Variants in FARP1 observed in about 807,000 individuals in gnomAD.
FARP1 encodes FERM, ARH/RhoGEF and pleckstrin domain protein 1, also known as FERM, ARHGEF and pleckstrin domain-containing protein 1.
In FARP1, 52 loss-of-function variants were observed where a neutral mutation model predicts 128.8. That is an observed-to-expected ratio of 0.40 (90% CI 0.32 to 0.51). FARP1 has a LOEUF of 0.51. Ranked by LOEUF, FARP1 falls within the 20% of genes least tolerant of loss-of-function variation. The pLI, the probability that FARP1 is intolerant of heterozygous loss-of-function variation, is 0.45. For missense variants in FARP1, 1,333 were observed against 1,367.9 expected (o/e 0.97, Z 0.40); for synonymous variants, 580 against 551.8 (o/e 1.05, Z -0.72).
rs1491257662 is a variant in FARP1, at chr13:98,153,303, T to TATTTATATATAAAATATATAAATATATA, written c.-24+9811_-24+9812insATTTATATATAAAATATATAAATATATA. On this transcript the variant is annotated intron_variant, in intron 1 of 26. Coordinates refer to ENST00000319562, the MANE Select transcript of FARP1 (RefSeq NM_005766.4). ...TATATATAAAATATATATAAATATATTTATATATAAAATATATAAATAATA... is the reference window on the plus strand; with the variant it reads ...TATATATAAAATATATATAAATATATATTTATATATAAAATATATAAATATATATTATATATAAAATATATAAATAATA... Among the ~76,000 whole-genome samples the TATTTATATATAAAATATATAAATATATA allele has an allele frequency of 3.7e-3, 204 of 55,394 alleles. 5 individuals carry two copies. The South Asian group carries it at 0.11, about 30-fold the overall frequency. 36.3% of individuals were successfully genotyped at this position (55,394 alleles called of 152,430 possible).
At chr13:98,170,317 A>AG (rs1372525154) in intron 1 of FARP1, among the ~76,000 whole-genome samples, 1 of 143,260 alleles carries the variant, frequency 7.0e-6, no homozygotes, top group Non-Finnish European at 1.5e-5. Context: ...CCAAGCAGCT[A>AG]GGATTACAGG....
intron 18 of FARP1, 127 bp downstream of exon 18, chr13:98,431,407 TC>T: frequency 1.7e-6 from 1 of 604,440 alleles, no homozygotes; most frequent in Non-Finnish European, 2.9e-6. Context: ...TCCCAGGTTT[TC>T]ATCAGGGTGG....
intron 2 of FARP1, among the ~76,000 whole-genome samples, chr13:98,324,090 TAA>T (rs1887124523): frequency 6.6e-6 from 1 of 152,222 alleles, no homozygotes; most frequent in Admixed American, 6.5e-5. Flanking sequence ...AAAGTTTCAT[TAA>T]AGAGTTAAGA....
At chr13:98,390,609 A>G in intron 10 of FARP1, 3 of 535,582 alleles carry the variant, frequency 5.6e-6, no homozygotes, top group East Asian at 3.0e-5. Flanking sequence ...TTTTTTCTGT[A>G]TATTCAAGGA....
At chr13:98,188,639 T>C (rs1879035765) in intron 1 of FARP1, among the ~76,000 whole-genome samples, 4 of 152,152 alleles carry the variant, frequency 2.6e-5, no homozygotes, top group African/African-American at 9.7e-5. Flanking sequence ...AGCGGTGCCC[T>C]TGTGCCTTGA....
At chr13:98,384,488 T>G in intron 6 of FARP1, 1 of 541,254 alleles carries the variant, frequency 1.8e-6, no homozygotes. Flanking sequence ...CTACTGTGCC[T>G]GACCTTGAAG....
At chr13:98,332,712 A>T (rs569379504) in intron 2 of FARP1, 2 of 152,338 alleles carry the variant, frequency 1.3e-5, no homozygotes, top group East Asian at 1.9e-4. Context: ...AAAAAATGTT[A>T]AAAAAGTAGT....
chr13:98,278,587 C>T (rs544622522), intron 2 of FARP1, among the ~76,000 whole-genome samples: 13 of 152,168 alleles, frequency 8.5e-5, no homozygotes, highest in Non-Finnish European at 1.3e-4. Flanking sequence ...TTTTCTGGTT[C>T]GGAGTGTATA....
At chr13:98,334,946 T>C (rs1887679877) in intron 2 of FARP1, among the ~76,000 whole-genome samples, 1 of 152,172 alleles carries the variant, frequency 6.6e-6, no homozygotes, top group Non-Finnish European at 1.5e-5. Context: ...GTGCGTAGTG[T>C]TTGGTTATGT....
Position 98,176,741 on chromosome 13 carries a change from T to TGCC in FARP1, c.-24+33250_-24+33252dup. 6.2e-7 allele frequency: 1 copy of TGCC among 1,614,078 alleles called. No individual in the cohort carries two copies. The highest frequency in any genetic ancestry group is 8.5e-7 in the Non-Finnish European group (1 of 1,179,984). ...TTCCTCGCCATCCCCGAGGAGGAGT[T>TGCC]GCCCATGGACGTGTCCTTGGGCTTC... is the stretch of plus-strand genomic sequence containing the variant. On this transcript the variant is annotated intron_variant, in intron 1 of 26. Coordinates refer to ENST00000319562, the MANE Select transcript of FARP1 (RefSeq NM_005766.4). This position sits in a 1 kb window ranked among gnomAD's most constrained non-coding sequence, Gnocchi z 6.2.
At chr13:98,332,323 T>C (rs1887545279) in intron 2 of FARP1, 1 of 152,164 alleles carries the variant, frequency 6.6e-6, no homozygotes, top group African/African-American at 2.4e-5. Context: ...ATATACCTGT[T>C]TGTAAAGTTC....
intron 2 of FARP1, among the ~76,000 whole-genome samples, chr13:98,325,735 G>A (rs1217746575): frequency 2.0e-5 from 3 of 152,226 alleles, no homozygotes; most frequent in Admixed American, 6.5e-5. Flanking sequence ...TTTGTAGCTT[G>A]TCCAGTTTGA....
rs550394133 is a variant in FARP1 at position 98,197,728 on chromosome 13, G to A, written c.-23-15492G>A. Among the ~76,000 whole-genome samples the A allele has an allele frequency of 8.0e-3, 1,214 of 151,588 alleles. 11 individuals carry two copies. The highest frequency in any genetic ancestry group is 0.014 in the Non-Finnish European group (931 of 67,924). On this transcript the variant is annotated intron_variant, in intron 1 of 26. Coordinates refer to ENST00000319562, the MANE Select transcript of FARP1 (RefSeq NM_005766.4). The stretch of plus-strand genomic sequence containing the variant: ...AGGCTCACTGCAAGCTCCGCCTCCC[G>A]GGTTCACGCCATTCTTCTGCCTCAG...
At chr13:98,211,721 C>G (rs1880722288) in intron 1 of FARP1, among the ~76,000 whole-genome samples, 1 of 152,226 alleles carries the variant, frequency 6.6e-6, no homozygotes, top group South Asian at 2.1e-4. Context: ...TTCTCACCTT[C>G]TCCATGATGG....
rs766598994 is a variant in FARP1, at chr13:98,384,813, G to A, written c.580G>A (p.Asp194Asn). Reference protein sequence around the residue: ...KYIPQQDALEDKIVEFHHNHI... With the variant: ...KYIPQQDALENKIVEFHHNHI... ...CATACCTCAGCAAGACGCACTAGAG[G>A]ACAAAATCGTGGAATTTCACCATAA... Residue 194 changes from aspartate (D) to asparagine (N), a missense_variant, in exon 7 of 27, where the codon GAC (aspartate) becomes AAC (asparagine). Coordinates refer to ENST00000319562, the MANE Select transcript of FARP1 (RefSeq NM_005766.4). 6.2e-7 allele frequency: 1 copy of A among 1,613,066 alleles called. No homozygotes were observed. Among genetic ancestry groups the A allele is most frequent in the African/African-American group, 1.3e-5 (1 of 75,004 alleles).
At chr13:98,408,235 G>A (rs1040495508) in intron 13 of FARP1, among the ~76,000 whole-genome samples, 2 of 151,702 alleles carry the variant, frequency 1.3e-5, no homozygotes, top group African/African-American at 4.8e-5. Flanking sequence ...TCATTGGGTT[G>A]AGATACAGAT....
At chr13:98,183,498 G>A (rs1047149747) in intron 1 of FARP1, among the ~76,000 whole-genome samples, 2 of 152,148 alleles carry the variant, frequency 1.3e-5, no homozygotes, top group Non-Finnish European at 2.9e-5. Context: ...CTGGGCATGG[G>A]ACCTCTGCAT....
intron 1 of FARP1, among the ~76,000 whole-genome samples, chr13:98,184,414 CTTTTAATGTGTCA>C (rs959914177): frequency 2.0e-5 from 3 of 152,114 alleles, no homozygotes; most frequent in South Asian, 2.1e-4. Flanking sequence ...GCCCGGCTGC[CTTTTAATGTGTCA>C]TTTTAATGTG....
intron 2 of FARP1, among the ~76,000 whole-genome samples, chr13:98,319,904 T>A (rs920122757): frequency 1.3e-5 from 2 of 152,124 alleles, no homozygotes; most frequent in Non-Finnish European, 2.9e-5. Context: ...TAAAAGTGTG[T>A]TTCTGAATTA....
Sources: allele counts gnomAD v4.1 joint callset (sites outside exome capture counted in the v4.1 genomes callset), GRCh38; gene constraint gnomAD v4.1.1; non-coding constraint Gnocchi (gnomAD v3.1); transcripts MANE v1.5; gene names NCBI Gene and HGNC (gene_info 2026-07-23, HGNC 2026-07-21).